The following EPS8 variants were observed in gnomAD, a reference collection of about 807,000 sequenced individuals.
EPS8 encodes the protein epidermal growth factor receptor kinase substrate 8.
In EPS8, 42 loss-of-function variants were observed where a neutral mutation model predicts 103.8. The observed-to-expected ratio is 0.40, with a 90% confidence interval of 0.32 to 0.52. EPS8 has a LOEUF of 0.52. Among genes scored for constraint, EPS8 ranks in the 20% least tolerant of loss-of-function variants. The pLI is 0.40. For missense variants in EPS8, 969 were observed against 1,005.1 expected (o/e 0.96, Z 0.49); for synonymous variants, 344 against 344.6 (o/e 1.00, Z 0.02).
chr12:15,756,279 A>G (rs1946985674), intron 1 of EPS8, among the ~76,000 whole-genome samples: 1 of 152,244 alleles, frequency 6.6e-6, no homozygotes, highest in Admixed American at 6.5e-5. Flanking sequence ...CCAGAAAGAG[A>G]TAACAATGAA....
At chr12:15,715,473 C>A (rs2135967315) in intron 1 of EPS8, among the ~76,000 whole-genome samples, 1 of 141,326 alleles carries the variant, frequency 7.1e-6, no homozygotes, top group South Asian at 2.3e-4. Context: ...TGGCTCACTG[C>A]AGCTTCCGCC....
rs192768536 is a variant in EPS8, at chr12:15,635,817, C to T, written c.1822-4153G>A. 1.2e-4 allele frequency among the ~76,000 whole-genome samples: 18 copies of T among 152,230 alleles called. No homozygotes were observed. The East Asian group carries it at 2.7e-3, about 23-fold the overall frequency. On this transcript the variant is annotated intron_variant, in intron 17 of 20. Coordinates refer to ENST00000281172, the MANE Select transcript of EPS8 (RefSeq NM_004447.6). ...TACCAATACCTAGATTGGGGCTTTT[C>T]ACACAGTATCATATTACAGTATCTC...
At chr12:15,669,291 A>T in intron 6 of EPS8, 96 bp downstream of exon 6, 1 of 1,071,716 alleles carries the variant, frequency 9.3e-7, no homozygotes, top group Non-Finnish European at 1.3e-6. Context: ...CTAAAAATCT[A>T]GTAACTAATA....
intron 12 of EPS8, among the ~76,000 whole-genome samples, chr12:15,656,642 G>T (rs1486324719): frequency 6.6e-6 from 1 of 151,894 alleles, no homozygotes; most frequent in African/African-American, 2.4e-5. Context: ...TCCTAACATC[G>T]AATGCCCAGG....
At position 15,713,960 on chromosome 12, in the gene EPS8, TA is replaced by T. The variant is rs1466570060; in HGVS notation, c.-21-30989del. Among the ~76,000 whole-genome samples the T allele has an allele frequency of 6.6e-6, 1 of 152,168 alleles. No individual in the cohort carries two copies. The highest frequency in any genetic ancestry group is 1.9e-4 in the East Asian group (1 of 5,200). ...GTAAAAAAATTAAGAATCTCCAATC[TA>T]AGGAATTAGATCCTGGGCCAGTGAA... On this transcript the variant is annotated intron_variant, in intron 1 of 20. Coordinates refer to ENST00000281172, the MANE Select transcript of EPS8 (RefSeq NM_004447.6). The surrounding 1 kb of genome is among the most constrained non-coding windows in gnomAD (Gnocchi z 4.8).
chr12:15,691,272 T>A (rs1391268464), intron 1 of EPS8, among the ~76,000 whole-genome samples: 2 of 151,348 alleles, frequency 1.3e-5, no homozygotes, highest in Non-Finnish European at 2.9e-5. Flanking sequence ...GCACAGTGAT[T>A]TACTATGCCT....
rs531507979 is a variant in EPS8 at position 15,704,543 on chromosome 12, A to C, written c.-21-21571T>G. ...GGAATAGTCAAATTCAAAGACACAG[A>C]AAGCATAATGGTGGCTGCCAGGGGC... On this transcript the variant is annotated intron_variant, in intron 1 of 20. Coordinates refer to ENST00000281172, the MANE Select transcript of EPS8 (RefSeq NM_004447.6). This position sits in a 1 kb window ranked among gnomAD's most constrained non-coding sequence, Gnocchi z 4.6. Among the ~76,000 whole-genome samples, 4 of 152,186 alleles carry C rather than the reference A, an allele frequency of 2.6e-5. No homozygotes were observed. Among genetic ancestry groups the C allele is most frequent in the Non-Finnish European group, 5.9e-5 (4 of 68,016 alleles).
At chr12:15,632,836 T>C (rs1383877573) in intron 17 of EPS8, among the ~76,000 whole-genome samples, 1 of 152,156 alleles carries the variant, frequency 6.6e-6, no homozygotes, top group African/African-American at 2.4e-5. Flanking sequence ...TCAGTCCACT[T>C]CACGGCAAAT....
Position 15,716,330 on chromosome 12 carries a change from A to C in EPS8, c.-21-33358T>G, listed in dbSNP as rs1946533220. Among the ~76,000 whole-genome samples, 2 of 152,202 alleles carry C rather than the reference A, an allele frequency of 1.3e-5. No individual in the cohort carries two copies. The highest frequency in any genetic ancestry group is 2.9e-5 in the Non-Finnish European group (2 of 68,030). On this transcript the variant is annotated intron_variant, in intron 1 of 20. Coordinates refer to ENST00000281172, the MANE Select transcript of EPS8 (RefSeq NM_004447.6). The surrounding 1 kb of genome is among the most constrained non-coding windows in gnomAD (Gnocchi z 5.0). ...TTTGGCTCCTGAATTATCTATCAGT[A>C]AAGATGATAATGAAGTCTTATGAAA...
Position 15,654,079 on chromosome 12 carries a change from GT to G in EPS8, c.1250+65del, listed in dbSNP as rs1292534148. On this transcript the variant is annotated intron_variant, in intron 13 of 20. Coordinates refer to ENST00000281172, the MANE Select transcript of EPS8 (RefSeq NM_004447.6). ...TTCGTATGTAGAAGGTTAAATAAAT[GT>G]CTCATTAGATCCATGTAATTAACAA... The G allele has an allele frequency of 8.3e-5, 120 of 1,439,694 alleles. No homozygotes were observed. The Middle Eastern group carries it at 1.2e-3, about 15-fold the overall frequency. 89.2% of individuals were successfully genotyped at this position (1,439,694 alleles called of 1,614,324 possible).
intron 1 of EPS8, among the ~76,000 whole-genome samples, chr12:15,746,188 C>G (rs940200238): frequency 6.6e-6 from 1 of 152,160 alleles, no homozygotes; most frequent in Non-Finnish European, 1.5e-5. Flanking sequence ...TCCTAGAACT[C>G]AACTGCCCTC....
chr12:15,675,493 A>G (rs1945887409), intron 3 of EPS8, among the ~76,000 whole-genome samples: 1 of 152,168 alleles, frequency 6.6e-6, no homozygotes, highest in Non-Finnish European at 1.5e-5. Context: ...TCAGCTACTC[A>G]GGAGGCTGAG....
At chr12:15,724,685 AC>A (rs1374281288) in intron 1 of EPS8, among the ~76,000 whole-genome samples, 1 of 152,136 alleles carries the variant, frequency 6.6e-6, no homozygotes, top group Non-Finnish European at 1.5e-5. Flanking sequence ...TGTCCTCCAT[AC>A]TGTTTTCATG....
chr12:15,736,457 G>A lies in EPS8; in HGVS notation c.-22+52704C>T, dbSNP rs745789826. Among the ~76,000 whole-genome samples, 5 of 152,174 alleles carry A rather than the reference G, an allele frequency of 3.3e-5. No individual in the cohort carries two copies. Among genetic ancestry groups the A allele is most frequent in the Non-Finnish European group, 7.4e-5 (5 of 68,026 alleles). Reference sequence around the variant, plus strand: ...ATGACAACCTCAGCAATGTCATAAAGTAAGTGTAAAACCTATATGGCTAGC... The same window carrying A: ...ATGACAACCTCAGCAATGTCATAAAATAAGTGTAAAACCTATATGGCTAGC... On this transcript the variant is annotated intron_variant, in intron 1 of 20. Transcript: ENST00000281172. The surrounding 1 kb of genome is among the most constrained non-coding windows in gnomAD (Gnocchi z 4.2).
At chr12:15,680,692 C>T (rs906310603) in intron 3 of EPS8, among the ~76,000 whole-genome samples, 2 of 152,116 alleles carry the variant, frequency 1.3e-5, no homozygotes, top group African/African-American at 4.8e-5. Context: ...CTTCTTGTTA[C>T]TTATGACTTC....
At chr12:15,686,034 T>C (rs1372991802) in intron 1 of EPS8, among the ~76,000 whole-genome samples, 1 of 152,130 alleles carries the variant, frequency 6.6e-6, no homozygotes, top group South Asian at 2.1e-4. Context: ...CCACCTACAG[T>C]TGGCTCCTGA....
intron 1 of EPS8, among the ~76,000 whole-genome samples, chr12:15,773,464 T>A (rs569821156): frequency 6.6e-6 from 1 of 151,888 alleles, no homozygotes; most frequent in African/African-American, 2.4e-5. Flanking sequence ...CAGGACCAAA[T>A]TATGTGTTAA....
At position 15,761,799 on chromosome 12, in the gene EPS8, G is replaced by T. The variant is rs1947044500; in HGVS notation, c.-22+27362C>A. On this transcript the variant is annotated intron_variant, in intron 1 of 20. Transcript: ENST00000281172. The surrounding 1 kb of genome is among the most constrained non-coding windows in gnomAD (Gnocchi z 4.5). ...AAAAATCAAAGCTAAATAGATTAAA[G>T]ACTTCAATCTAAGACCTCAAACTAT... 6.6e-6 allele frequency among the ~76,000 whole-genome samples: 1 copy of T among 152,086 alleles called. No homozygotes were observed. Among genetic ancestry groups the T allele is most frequent in the Non-Finnish European group, 1.5e-5 (1 of 68,008 alleles).
At chr12:15,632,230 G>A (rs1191900913) in intron 17 of EPS8, among the ~76,000 whole-genome samples, 5 of 152,004 alleles carry the variant, frequency 3.3e-5, no homozygotes, top group East Asian at 3.9e-4. Flanking sequence ...GAAATGTCAC[G>A]GGGTGGATGG....
Sources: gnomAD v4.1 joint callset for allele counts (sites outside exome capture counted in the v4.1 genomes callset) on GRCh38, gnomAD v4.1.1 for gene constraint, Gnocchi (gnomAD v3.1) non-coding constraint, MANE v1.5 for transcripts, NCBI Gene and HGNC (gene_info 2026-07-23, HGNC 2026-07-21) for gene names.